Variants in GRXCR1 observed in about 807,000 individuals in gnomAD.
GRXCR1 encodes glutaredoxin and cysteine rich domain containing 1.
In GRXCR1, 27 loss-of-function variants were observed where a neutral mutation model predicts 27.3. The observed-to-expected ratio is 0.99, with a 90% confidence interval of 0.73 to 1.37. The LOEUF is 1.37. Ranked by LOEUF, GRXCR1 falls within the 40% of genes most tolerant of loss-of-function variation. The pLI, the probability that GRXCR1 is intolerant of heterozygous loss-of-function variation, is 0.00. For synonymous variants in GRXCR1, 122 were observed against 131.1 expected (o/e 0.93, Z 0.47); for missense variants, 379 against 354.4 (o/e 1.07, Z -0.56).
Position 43,023,166 on chromosome 4 carries a change from G to A in GRXCR1, c.693+2747G>A, listed in dbSNP as rs566766868. Among the ~76,000 whole-genome samples, 89 of 152,258 alleles carry A rather than the reference G, an allele frequency of 5.8e-4. 1 individual carries two copies. Among genetic ancestry groups the A allele is most frequent in the African/African-American group, 2.1e-3 (88 of 41,556 alleles). ...GGGTTAGTAGTTTCCTAGGAGGTAA[G>A]CTAGTAAAGATGTTAGGTCCAGGGA... On this transcript the variant is annotated intron_variant, in intron 3 of 3. Coordinates refer to ENST00000399770, the MANE Select transcript of GRXCR1 (RefSeq NM_001080476.3).
intron 1 of GRXCR1, among the ~76,000 whole-genome samples, chr4:42,921,535 A>G (rs1747010458): frequency 6.6e-6 from 1 of 152,090 alleles, no homozygotes; most frequent in Non-Finnish European, 1.5e-5. Context: ...TGGGCAGAGT[A>G]TGGGGTACAC....
chr4:42,990,025 T>C (rs1279964919), intron 2 of GRXCR1, among the ~76,000 whole-genome samples: 1 of 151,984 alleles, frequency 6.6e-6, no homozygotes, highest in African/African-American at 2.4e-5. Flanking sequence ...TAGCTTCCAG[T>C]TGAGCATAGT....
At chr4:42,910,180 C>T (rs572219049) in intron 1 of GRXCR1, among the ~76,000 whole-genome samples, 2 of 152,246 alleles carry the variant, frequency 1.3e-5, no homozygotes, top group Non-Finnish European at 2.9e-5. Flanking sequence ...ATCACCAGAA[C>T]GGCATGGGGG....
At chr4:42,998,821 A>G (rs1355435683) in intron 2 of GRXCR1, among the ~76,000 whole-genome samples, 2 of 152,202 alleles carry the variant, frequency 1.3e-5, no homozygotes, top group Non-Finnish European at 2.9e-5. Flanking sequence ...ACTATGGTCA[A>G]TAGTTGGAAT....
intron 1 of GRXCR1, among the ~76,000 whole-genome samples, chr4:42,960,280 G>A (rs144762028): frequency 3.3e-5 from 5 of 151,958 alleles, no homozygotes; most frequent in African/African-American, 1.2e-4. Flanking sequence ...AACTAATGCA[G>A]TAATAGTAGT....
intron 2 of GRXCR1, among the ~76,000 whole-genome samples, chr4:43,007,231 T>C (rs1036533404): frequency 6.6e-6 from 1 of 152,164 alleles, no homozygotes; most frequent in South Asian, 2.1e-4. Context: ...GCATTGGAGA[T>C]TTTGTATATT....
chr4:43,018,953 A>C (rs562893824), intron 2 of GRXCR1, among the ~76,000 whole-genome samples: 124 of 152,292 alleles, frequency 8.1e-4, no homozygotes, highest in African/African-American at 2.7e-3. Flanking sequence ...TATTCTCTGT[A>C]GCCCTGTGCG....
chr4:42,971,212 C>A (rs1748379622), intron 2 of GRXCR1, among the ~76,000 whole-genome samples: 1 of 152,132 alleles, frequency 6.6e-6, no homozygotes. Context: ...GTCCATTCAA[C>A]AAGTTTCTAG....
At chr4:42,908,486 A>T (rs1560644969) in intron 1 of GRXCR1, among the ~76,000 whole-genome samples, 1 of 152,176 alleles carries the variant, frequency 6.6e-6, no homozygotes, top group African/African-American at 2.4e-5. Context: ...TTTACCACAG[A>T]TAACTTTAGT....
chr4:42,897,972 T>C (rs1054328928), intron 1 of GRXCR1, among the ~76,000 whole-genome samples: 4 of 150,258 alleles, frequency 2.7e-5, no homozygotes, highest in African/African-American at 9.7e-5. Flanking sequence ...ATTATGTCTG[T>C]TTTTAGATAA....
intron 2 of GRXCR1, among the ~76,000 whole-genome samples, chr4:43,020,007 G>A (rs1713045927): frequency 6.6e-6 from 1 of 152,072 alleles, no homozygotes; most frequent in Non-Finnish European, 1.5e-5. Context: ...TTTGCTCCAA[G>A]GATTCCTTTC....
chr4:42,933,752 C>T (rs1747387810), intron 1 of GRXCR1, among the ~76,000 whole-genome samples: 1 of 151,852 alleles, frequency 6.6e-6, no homozygotes, highest in African/African-American at 2.4e-5. Context: ...GAAATGGGCT[C>T]TCACCAGACA....
intron 2 of GRXCR1, among the ~76,000 whole-genome samples, chr4:42,974,865 C>T (rs1314885392): frequency 6.6e-6 from 1 of 151,970 alleles, no homozygotes; most frequent in Non-Finnish European, 1.5e-5. Flanking sequence ...TATTACAAGC[C>T]CTATTGTCAG....
At chr4:42,916,238 G>A (rs1014355773) in intron 1 of GRXCR1, among the ~76,000 whole-genome samples, 4 of 152,084 alleles carry the variant, frequency 2.6e-5, no homozygotes, top group Admixed American at 2.6e-4. Flanking sequence ...AAAGCCCTCA[G>A]CAGACCCAGA....
At chr4:43,006,252 G>A (rs182604482) in intron 2 of GRXCR1, among the ~76,000 whole-genome samples, 2 of 152,212 alleles carry the variant, frequency 1.3e-5, no homozygotes, top group Admixed American at 1.3e-4. Flanking sequence ...TGAGCAATAT[G>A]AAATGTGGGC....
chr4:42,957,471 T>C (rs1748031845), intron 1 of GRXCR1, among the ~76,000 whole-genome samples: 1 of 152,014 alleles, frequency 6.6e-6, no homozygotes, highest in East Asian at 1.9e-4. Context: ...TTTCTTTAGG[T>C]TTGGAAAGTT....
chr4:42,900,090 C>T (rs891520596), intron 1 of GRXCR1, among the ~76,000 whole-genome samples: 2 of 152,144 alleles, frequency 1.3e-5, no homozygotes, highest in Non-Finnish European at 2.9e-5. Flanking sequence ...GCAGATATTG[C>T]TCATGCTGAT....
intron 1 of GRXCR1, among the ~76,000 whole-genome samples, chr4:42,918,786 G>A (rs185590103): frequency 6.6e-6 from 1 of 152,096 alleles, no homozygotes; most frequent in African/African-American, 2.4e-5. Flanking sequence ...ATCTATCCTA[G>A]GATCAAGCTG....
At chr4:42,905,971 C>T (rs1746580123) in intron 1 of GRXCR1, among the ~76,000 whole-genome samples, 1 of 152,154 alleles carries the variant, frequency 6.6e-6, no homozygotes, top group South Asian at 2.1e-4. Flanking sequence ...TGTAATTTGG[C>T]TCACATTGGG....
Sources: allele counts gnomAD v4.1 joint callset (sites outside exome capture counted in the v4.1 genomes callset), GRCh38; gene constraint gnomAD v4.1.1; transcripts MANE v1.5; gene names NCBI Gene and HGNC (gene_info 2026-07-23, HGNC 2026-07-21).